Variants in KIF13A observed in about 807,000 individuals in gnomAD.
The protein encoded by KIF13A is kinesin-like protein KIF13A.
A neutral mutation model predicts 212.2 loss-of-function variants in KIF13A; 79 were observed. The ratio of observed to expected loss-of-function variants is 0.37; its 90% CI spans 0.31 to 0.45. KIF13A has a LOEUF of 0.45. KIF13A is among the 20% of genes least tolerant of loss of function. The pLI is 1.00. For missense variants in KIF13A, 1,901 were observed against 2,209.0 expected, an observed-to-expected ratio of 0.86 and a Z score of 2.79; for synonymous variants, 789 against 808.6, an observed-to-expected ratio of 0.98 and a Z score of 0.41.
In KIF13A at chr6:17,886,761, C is replaced by T. The variant is rs73723307; in HGVS notation, c.159+11407G>A. 0.069 allele frequency among the ~76,000 whole-genome samples: 10,486 copies of T among 152,026 alleles called. 952 individuals are homozygous for T. Among genetic ancestry groups the T allele is most frequent in the African/African-American group, 0.21 (8,684 of 41,374 alleles). Reference sequence around the variant, plus strand: ...AGGTTGCAGTGAGTTAAGATCATGCCATTGCACTCCAGCCTGGGCAACAAG... The same window carrying T: ...AGGTTGCAGTGAGTTAAGATCATGCTATTGCACTCCAGCCTGGGCAACAAG... On this transcript the variant is annotated intron_variant, in intron 3 of 38. Coordinates refer to ENST00000259711, the MANE Select transcript of KIF13A (RefSeq NM_022113.6). This position sits in a 1 kb window ranked among gnomAD's most constrained non-coding sequence, Gnocchi z 5.6.
At chr6:17,808,020 G>C (rs1763119323) in intron 18 of KIF13A, among the ~76,000 whole-genome samples, 1 of 152,226 alleles carries the variant, frequency 6.6e-6, no homozygotes. Context: ...CCAGACGCTT[G>C]CAAAGAGAGC....
chr6:17,964,904 C>T (rs948304279), intron 2 of KIF13A, among the ~76,000 whole-genome samples: 1 of 150,676 alleles, frequency 6.6e-6, no homozygotes, highest in African/African-American at 2.4e-5. Context: ...CCCAATGCAA[C>T]CTCTGACTCC....
intron 2 of KIF13A, among the ~76,000 whole-genome samples, chr6:17,962,824 C>T (rs972259332): frequency 1.3e-5 from 2 of 152,134 alleles, no homozygotes; most frequent in African/African-American, 2.4e-5. Flanking sequence ...GAATCTTCCT[C>T]ATGCTTGACT....
chr6:17,896,089 G>A (rs1208804352), intron 3 of KIF13A, among the ~76,000 whole-genome samples: 1 of 152,122 alleles, frequency 6.6e-6, no homozygotes, highest in Non-Finnish European at 1.5e-5. Flanking sequence ...TGGTCCCCTG[G>A]AACCCATCTA....
Position 17,817,149 on chromosome 6 carries a change from T to C in KIF13A, c.1871A>G (p.Tyr624Cys), listed in dbSNP as rs765898617. Residue 624 changes from tyrosine (Y) to cysteine (C), a missense_variant, in exon 17 of 39, where the codon TAT becomes TGT. Physicochemically the swap from Tyr to Cys is radical, Grantham distance 194. This residue lies in a region of KIF13A where 534 missense variants were observed against 536.9 expected (regional missense o/e 0.99). Coordinates refer to ENST00000259711, the MANE Select transcript of KIF13A (RefSeq NM_022113.6). ...GCGGAGTTGCTCCAGTTCCCGCTCA[T>C]ACATGAGCCGCTGCTCCTCTAGGGC... ...RSALEEQRLMYERELEQLRQQ... is the reference protein window; with the variant it reads ...RSALEEQRLMCERELEQLRQQ... 3 of 1,613,930 alleles carry C rather than the reference T, an allele frequency of 1.9e-6. No homozygotes were observed. Among genetic ancestry groups the C allele is most frequent in the South Asian group, 1.1e-5 (1 of 91,090 alleles).
Position 17,951,130 on chromosome 6 carries a change from T to C in KIF13A, c.146+35924A>G. ...CATCCATTTATTCATATGTGGGGTC[T>C]GATGCAATTCACCTCACGCCACTTT... On this transcript the variant is annotated intron_variant, in intron 2 of 38. Coordinates refer to ENST00000259711, the MANE Select transcript of KIF13A (RefSeq NM_022113.6). The surrounding 1 kb of genome is among the most constrained non-coding windows in gnomAD (Gnocchi z 4.9). 8.3e-7 allele frequency: 1 copy of C among 1,199,514 alleles called. No homozygotes were observed. The highest frequency in any genetic ancestry group is 1.0e-6 in the Non-Finnish European group (1 of 967,510). 74.3% of individuals were successfully genotyped at this position (1,199,514 alleles called of 1,614,324 possible). A position where few individuals can be genotyped will look rare whatever the true frequency, so the allele number is the denominator to read the frequency against.
At chr6:17,788,781 G>C (rs527833511) in intron 26 of KIF13A, among the ~76,000 whole-genome samples, 2 of 152,234 alleles carry the variant, frequency 1.3e-5, no homozygotes, top group Admixed American at 1.3e-4. Flanking sequence ...CTGGAGTGCA[G>C]TGGCACAATC....
chr6:17,894,282 C>T (rs973986962), intron 3 of KIF13A, among the ~76,000 whole-genome samples: 2 of 151,950 alleles, frequency 1.3e-5, no homozygotes, highest in Admixed American at 1.3e-4. Context: ...CAGGCATACG[C>T]CATCATGCCC....
intron 2 of KIF13A, among the ~76,000 whole-genome samples, chr6:17,975,339 T>C (rs909061358): frequency 2.7e-5 from 4 of 150,382 alleles, no homozygotes; most frequent in Admixed American, 2.0e-4. Flanking sequence ...TTGGTCTCAC[T>C]AACTTCAAGA....
At chr6:17,945,635 A>G (rs1406917090) in intron 2 of KIF13A, among the ~76,000 whole-genome samples, 1 of 152,230 alleles carries the variant, frequency 6.6e-6, no homozygotes, top group East Asian at 1.9e-4. Context: ...AAACAGATAT[A>G]CCATGTTTTC....
intron 2 of KIF13A, among the ~76,000 whole-genome samples, chr6:17,964,658 A>G (rs1373794460): frequency 1.3e-5 from 2 of 152,182 alleles, no homozygotes; most frequent in Admixed American, 1.3e-4. Context: ...GAAAGACAGA[A>G]GTTTAAAGAA....
chr6:17,894,240 T>C (rs1276324803), intron 3 of KIF13A, among the ~76,000 whole-genome samples: 3 of 151,936 alleles, frequency 2.0e-5, no homozygotes, highest in East Asian at 3.9e-4. Context: ...CAAGTGATCA[T>C]CCCACCTCAG....
intron 2 of KIF13A, chr6:17,936,350 T>C (rs561503897): frequency 9.2e-5 from 17 of 184,500 alleles, no homozygotes; most frequent in East Asian, 3.7e-4. Context: ...GGTTTCACCA[T>C]GGTGGCCAGG....
intron 2 of KIF13A, among the ~76,000 whole-genome samples, chr6:17,910,498 G>T (rs1773943724): frequency 6.6e-6 from 1 of 152,198 alleles, no homozygotes; most frequent in South Asian, 2.1e-4. Context: ...TATCCTACAG[G>T]CCAGAATCAA....
At chr6:17,840,470 T>C (rs965852091) in intron 9 of KIF13A, among the ~76,000 whole-genome samples, 2 of 152,188 alleles carry the variant, frequency 1.3e-5, no homozygotes, top group African/African-American at 4.8e-5. Context: ...TATCTATGTG[T>C]GGCACATATT....
At chr6:17,930,934 G>A (rs1335261121) in intron 2 of KIF13A, among the ~76,000 whole-genome samples, 8 of 152,216 alleles carry the variant, frequency 5.3e-5, no homozygotes, top group Admixed American at 5.2e-4. Context: ...TGTATTCTAA[G>A]TGTTTTCTCC....
chr6:17,822,671 C>T (rs2150361359), intron 16 of KIF13A, among the ~76,000 whole-genome samples: 1 of 152,338 alleles, frequency 6.6e-6, no homozygotes, highest in Admixed American at 6.5e-5. Flanking sequence ...AAGCAATGAG[C>T]TGTCTCCAAT....
In KIF13A at chr6:17,799,327, G is replaced by A; in HGVS notation, c.2729C>T (p.Pro910Leu). ...CTTGGACTGTGGTGAAGGCACCTCG[G>A]GGTCCACCACCGGGGCAGCCACCGT... ...ESTVAAPVVDPEVPSPQSKDA... is the reference protein window; with the variant it reads ...ESTVAAPVVDLEVPSPQSKDA... Residue 910 changes from proline to leucine, a missense_variant, in exon 22 of 39, where the codon CCC (proline) becomes CTC (leucine). Pro to Leu is a moderately conservative substitution (Grantham distance 98, BLOSUM62 -3). Around this residue, in one of 5 missense-constraint regions of KIF13A, gnomAD observed 534 missense variants for 536.9 expected, o/e 0.99. Coordinates refer to ENST00000259711, the MANE Select transcript of KIF13A (RefSeq NM_022113.6). The surrounding 1 kb of genome is among the most constrained non-coding windows in gnomAD (Gnocchi z 4.4). 2 of 1,613,430 alleles carry A rather than the reference G, an allele frequency of 1.2e-6. No homozygotes were observed. The highest frequency in any genetic ancestry group is 1.7e-6 in the Non-Finnish European group (2 of 1,179,662).
intron 2 of KIF13A, among the ~76,000 whole-genome samples, chr6:17,954,521 A>G (rs775725125): frequency 6.6e-6 from 1 of 152,188 alleles, no homozygotes; most frequent in Non-Finnish European, 1.5e-5. Context: ...TTAAAATATA[A>G]TATTAGGCTT....
Sources: allele counts gnomAD v4.1 joint callset (sites outside exome capture counted in the v4.1 genomes callset), GRCh38; gene constraint gnomAD v4.1.1; regional missense constraint gnomAD v4.1.1; non-coding constraint Gnocchi (gnomAD v3.1); transcripts MANE v1.5; gene names NCBI Gene and HGNC (gene_info 2026-07-23, HGNC 2026-07-21).